LUZP2: variants seen among roughly 807,000 people sequenced by gnomAD.
LUZP2 encodes the protein leucine zipper protein 2.
In LUZP2, 52 loss-of-function variants were observed where a neutral mutation model predicts 51.6. The observed-to-expected ratio is 1.01, with a 90% CI of 0.81 to 1.27. The LOEUF (loss-of-function observed/expected upper bound fraction) is 1.27. LUZP2 is among the 50% of genes most tolerant of loss of function. The pLI is 0.00. For synonymous variants in LUZP2, 154 were observed against 137.3 expected, an observed-to-expected ratio of 1.12 and a Z score of -0.85; for missense variants, 436 against 395.4, an observed-to-expected ratio of 1.10 and a Z score of -0.87.
chr11:24,587,529 C>G (rs530517213), intron 1 of LUZP2, among the ~76,000 whole-genome samples: 1 of 152,178 alleles, frequency 6.6e-6, no homozygotes, highest in Non-Finnish European at 1.5e-5. Context: ...ATGGGCTTTT[C>G]CACCTATAAA....
intron 5 of LUZP2, chr11:24,891,181 G>A (rs1294577351): frequency 1.0e-6 from 1 of 984,882 alleles, no homozygotes; most frequent in Non-Finnish European, 1.2e-6. Flanking sequence ...AGTATCTAAT[G>A]TGAGCTAGAG....
chr11:25,012,986 G>T (rs770948177), intron 9 of LUZP2, among the ~76,000 whole-genome samples: 1 of 152,150 alleles, frequency 6.6e-6, no homozygotes, highest in Non-Finnish European at 1.5e-5. Context: ...TCCATCAATG[G>T]ATGAGTGGAT....
chr11:25,040,343 A>ATTTTTTGTTTTTTTTT, intron 9 of LUZP2, among the ~76,000 whole-genome samples: 1 of 98,828 alleles, frequency 1.0e-5, no homozygotes, highest in African/African-American at 5.8e-5. Context: ...TTTCTTTCCG[A>ATTTTTTGTTTTTTTTT]TTTTTTTTTT....
chr11:24,679,247 A>G (rs985106822), intron 1 of LUZP2, among the ~76,000 whole-genome samples: 5 of 152,196 alleles, frequency 3.3e-5, no homozygotes, highest in African/African-American at 1.2e-4. Context: ...ATTAGAGCAT[A>G]CCTTTCTCAT....
chr11:24,541,431 A>G (rs1301769420), intron 1 of LUZP2, among the ~76,000 whole-genome samples: 2 of 152,040 alleles, frequency 1.3e-5, no homozygotes, highest in African/African-American at 4.8e-5. Flanking sequence ...GACTGTTGGC[A>G]TCCTATATTC....
chr11:24,734,281 T>C (rs11028127), intron 3 of LUZP2, among the ~76,000 whole-genome samples: 3,044 of 151,800 alleles, frequency 0.02, 59 homozygotes, highest in Middle Eastern at 0.034. Flanking sequence ...ATGCATGATG[T>C]GAATGAAAAC....
intron 5 of LUZP2, among the ~76,000 whole-genome samples, chr11:24,888,604 C>T (rs978684042): frequency 1.3e-5 from 2 of 152,086 alleles, no homozygotes; most frequent in African/African-American, 4.8e-5. Flanking sequence ...CTGACACATA[C>T]GCATGCTGAG....
chr11:25,013,119 G>A (rs1210416974), intron 9 of LUZP2, among the ~76,000 whole-genome samples: 1 of 152,016 alleles, frequency 6.6e-6, no homozygotes, highest in South Asian at 2.1e-4. Context: ...AATAAGCCGG[G>A]GACCAAAAGT....
intron 5 of LUZP2, among the ~76,000 whole-genome samples, chr11:24,813,068 A>C (rs775922722): frequency 1.3e-5 from 2 of 152,182 alleles, no homozygotes; most frequent in African/African-American, 2.4e-5. Context: ...CTTCCTCTTA[A>C]GAATCTTGAT....
chr11:24,970,351 T>C (rs1855708370), intron 7 of LUZP2, among the ~76,000 whole-genome samples: 2 of 152,182 alleles, frequency 1.3e-5, no homozygotes, highest in Non-Finnish European at 2.9e-5. Flanking sequence ...TTTTATTACT[T>C]TTAATGTGAA....
chr11:24,623,599 A>G (rs112193034), intron 1 of LUZP2, among the ~76,000 whole-genome samples: 27,282 of 152,098 alleles, frequency 0.18, 2,718 homozygotes, highest in African/African-American at 0.26. Context: ...TAATCCCAGC[A>G]TTTTGGGAGG....
At chr11:24,757,119 C>T (rs1008211828) in intron 4 of LUZP2, among the ~76,000 whole-genome samples, 2 of 152,128 alleles carry the variant, frequency 1.3e-5, no homozygotes, top group Non-Finnish European at 2.9e-5. Context: ...GGCCTGAGAA[C>T]ATGTGTTTGT....
chr11:24,729,941 G>C (rs550760501), intron 2 of LUZP2, among the ~76,000 whole-genome samples: 14 of 151,732 alleles, frequency 9.2e-5, no homozygotes, highest in Admixed American at 5.9e-4. Context: ...TAATGTTTAG[G>C]AAAGATATGT....
At chr11:24,991,970 C>A (rs1179557806) in intron 9 of LUZP2, among the ~76,000 whole-genome samples, 2 of 151,902 alleles carry the variant, frequency 1.3e-5, no homozygotes, top group Non-Finnish European at 2.9e-5. Context: ...GGATATTAGT[C>A]CTTTGTCAGA....
intron 9 of LUZP2, among the ~76,000 whole-genome samples, chr11:25,030,137 A>C (rs919876299): frequency 5.9e-5 from 9 of 152,228 alleles, no homozygotes; most frequent in Non-Finnish European, 7.4e-5. Context: ...ATTTTCTCCC[A>C]TATACATTTG....
At chr11:24,574,772 G>A (rs187388097) in intron 1 of LUZP2, among the ~76,000 whole-genome samples, 58 of 152,166 alleles carry the variant, frequency 3.8e-4, no homozygotes, top group Admixed American at 5.9e-4. Context: ...TGTCTTTCTT[G>A]ATCACTGCAT....
chr11:25,070,100 A>G (rs1859110497), intron 10 of LUZP2, among the ~76,000 whole-genome samples: 1 of 151,990 alleles, frequency 6.6e-6, no homozygotes. Context: ...GAGATTAGAA[A>G]ATAAAACCTT....
At chr11:24,530,485 A>G (rs1412557303) in intron 1 of LUZP2, among the ~76,000 whole-genome samples, 1 of 150,814 alleles carries the variant, frequency 6.6e-6, no homozygotes, top group Non-Finnish European at 1.5e-5. Flanking sequence ...GTAAACATAA[A>G]CACCCTGCTT....
intron 5 of LUZP2, among the ~76,000 whole-genome samples, chr11:24,849,873 C>T (rs554448492): frequency 2.0e-5 from 3 of 152,150 alleles, no homozygotes; most frequent in Non-Finnish European, 1.5e-5. Flanking sequence ...TCTCTAATGA[C>T]CAGTGATGCT....
Sources: gnomAD v4.1 joint callset for allele counts (sites outside exome capture counted in the v4.1 genomes callset) on GRCh38, gnomAD v4.1.1 for gene constraint, MANE v1.5 for transcripts, NCBI Gene and HGNC (gene_info 2026-07-23, HGNC 2026-07-21) for gene names.